SUGCT: variants seen among roughly 807,000 people sequenced by gnomAD.
SUGCT encodes succinyl-CoA:glutarate CoA-transferase.
A neutral mutation model predicts 55.0 loss-of-function variants in SUGCT; 41 were observed. That is an observed-to-expected ratio of 0.74 (90% confidence interval 0.58 to 0.97). The LOEUF (loss-of-function observed/expected upper bound fraction) is 0.97, where lower values mean the gene tolerates loss of function less well. Among genes scored for constraint, SUGCT ranks in the 50% least tolerant of loss-of-function variants. SUGCT has a pLI of 0.00. For missense variants in SUGCT, 568 were observed against 547.8 expected (o/e 1.04, Z -0.37); for synonymous variants, 187 against 200.4 (o/e 0.93, Z 0.56).
chr7:40,279,835 C>T (rs1292803628), intron 8 of SUGCT, among the ~76,000 whole-genome samples: 1 of 152,008 alleles, frequency 6.6e-6, no homozygotes, highest in African/African-American at 2.4e-5. Context: ...TAACAGGAAA[C>T]TTCACCTTTT....
intron 13 of SUGCT, among the ~76,000 whole-genome samples, chr7:40,811,249 TC>T (rs1791397229): frequency 6.6e-6 from 1 of 152,166 alleles, no homozygotes; most frequent in Admixed American, 6.5e-5. Context: ...CTATTTGGGC[TC>T]TTTTTTGGTT....
At chr7:40,388,490 A>T (rs970470317) in intron 9 of SUGCT, among the ~76,000 whole-genome samples, 5 of 152,140 alleles carry the variant, frequency 3.3e-5, no homozygotes, top group Middle Eastern at 3.2e-3. Flanking sequence ...ATCTTGGCTC[A>T]CTGCAACCTC....
chr7:41,009,295 A>G, the SUGCT span, among the ~76,000 whole-genome samples: 177 of 152,048 alleles, frequency 1.2e-3, 3 homozygotes, highest in Non-Finnish European at 1.0e-3. Context: ...AATCTATGTT[A>G]ATTATTAATT....
At chr7:40,283,815 C>T (rs753916946) in intron 8 of SUGCT, among the ~76,000 whole-genome samples, 2 of 152,094 alleles carry the variant, frequency 1.3e-5, no homozygotes, top group Non-Finnish European at 2.9e-5. Context: ...AACAATCCCA[C>T]TTCTGAGAAT....
intron 9 of SUGCT, among the ~76,000 whole-genome samples, chr7:40,340,003 T>C (rs1796955889): frequency 6.6e-6 from 1 of 152,230 alleles, no homozygotes; most frequent in South Asian, 2.1e-4. Context: ...TATACATGCA[T>C]GATTTTTGCC....
intron 12 of SUGCT, among the ~76,000 whole-genome samples, chr7:40,573,429 C>G (rs1473424811): frequency 6.6e-6 from 1 of 152,196 alleles, no homozygotes; most frequent in East Asian, 1.9e-4. Context: ...CCCTCCCTCC[C>G]CATCCACCTT....
rs1784590245 is a variant in SUGCT, at chr7:40,377,127, CCTCTTTCTTTCTTTCTTTCTTT to C, written c.816+60275_816+60296del. On this transcript the variant is annotated intron_variant, in intron 9 of 13. Transcript: ENST00000335693. Reference sequence around the variant, plus strand: ...ACTTGGAAAGGAAATTTTCAGCCTTCCTCTTTCTTTCTTTCTTTCTTTCTTTCTTTCTTTCTTTCTTTCTTTC... The same window carrying C: ...ACTTGGAAAGGAAATTTTCAGCCTTCCTTTCTTTCTTTCTTTCTTTCTTTC... 5.1e-4 allele frequency among the ~76,000 whole-genome samples: 3 copies of C among 5,878 alleles called. 1 individual carries two copies. The highest frequency in any genetic ancestry group is 7.1e-3 in the Admixed American group (2 of 282). 3.9% of individuals were successfully genotyped at this position (5,878 alleles called of 152,430 possible). A position where few individuals can be genotyped will look rare whatever the true frequency, so the allele number is the denominator to read the frequency against.
chr7:40,225,626 G>C (rs1472455672), intron 6 of SUGCT, among the ~76,000 whole-genome samples: 1 of 151,840 alleles, frequency 6.6e-6, no homozygotes, highest in Non-Finnish European at 1.5e-5. Context: ...AGTAGACACG[G>C]GGTTTCACCA....
chr7:40,351,724 A>T (rs1297793144), intron 9 of SUGCT, among the ~76,000 whole-genome samples: 1 of 152,228 alleles, frequency 6.6e-6, no homozygotes. Flanking sequence ...AAACTGTTGT[A>T]TTTAATGGCA....
At chr7:40,897,470 A>G in the SUGCT span, among the ~76,000 whole-genome samples, 4 of 140,654 alleles carry the variant, frequency 2.8e-5, no homozygotes, top group Non-Finnish European at 6.3e-5. Flanking sequence ...CACATTTGGT[A>G]TATTTGGGGT....
intron 12 of SUGCT, among the ~76,000 whole-genome samples, chr7:40,668,596 G>A (rs938866540): frequency 6.6e-6 from 1 of 152,112 alleles, no homozygotes; most frequent in African/African-American, 2.4e-5. Flanking sequence ...AACATAAGAA[G>A]ACTCTAAAAA....
intron 12 of SUGCT, among the ~76,000 whole-genome samples, chr7:40,602,759 T>C (rs1474005826): frequency 6.6e-6 from 1 of 152,186 alleles, no homozygotes; most frequent in East Asian, 1.9e-4. Context: ...TCTTCTGTTC[T>C]TTTTGTCATC....
At chr7:40,899,004 C>A in the SUGCT span, among the ~76,000 whole-genome samples, 1 of 152,264 alleles carries the variant, frequency 6.6e-6, no homozygotes, top group African/African-American at 2.4e-5. Context: ...TCTACAGCCA[C>A]GTCCGGCTCT....
chr7:40,216,853 C>A (rs1215522716), intron 6 of SUGCT, among the ~76,000 whole-genome samples: 1 of 149,080 alleles, frequency 6.7e-6, no homozygotes, highest in African/African-American at 2.5e-5. Flanking sequence ...GAAATTCCAT[C>A]TCGAAAAAAA....
At chr7:40,807,268 G>T (rs1034040271) in intron 13 of SUGCT, among the ~76,000 whole-genome samples, 1 of 151,512 alleles carries the variant, frequency 6.6e-6, no homozygotes, top group South Asian at 2.1e-4. Flanking sequence ...GGATGTACAG[G>T]TTTGTCACAT....
the SUGCT span, among the ~76,000 whole-genome samples, chr7:40,944,935 G>A: frequency 1.3e-5 from 2 of 152,200 alleles, no homozygotes; most frequent in Admixed American, 1.3e-4. Context: ...TGCTTAGTGT[G>A]TGAGCAGGTT....
At chr7:40,175,462 C>T (rs1584257707) in intron 1 of SUGCT, among the ~76,000 whole-genome samples, 1 of 152,144 alleles carries the variant, frequency 6.6e-6, no homozygotes, top group Non-Finnish European at 1.5e-5. Flanking sequence ...TTAAGTGATC[C>T]GCCTGCCTCC....
rs912160465 is a variant in SUGCT at position 40,490,386 on chromosome 7, T to C, written c.987-5898T>C. On this transcript the variant is annotated intron_variant, in intron 11 of 13. Transcript: ENST00000335693. ...GGTACTCTCAAAATTTCTCATGAGA[T>C]CTCGGAATGGTGGGGAACCTGAATG... is the stretch of plus-strand genomic sequence containing the variant. Among the ~76,000 whole-genome samples, 86 of 152,128 alleles carry C rather than the reference T, an allele frequency of 5.7e-4. 1 individual carries two copies. The highest frequency in any genetic ancestry group is 1.6e-4 in the Non-Finnish European group (11 of 68,030).
chr7:40,373,784 CTG>C (rs944359782), intron 9 of SUGCT, among the ~76,000 whole-genome samples: 2 of 152,028 alleles, frequency 1.3e-5, no homozygotes, highest in African/African-American at 4.8e-5. Flanking sequence ...GACAAGATAA[CTG>C]TTTTAATAAA....
Sources: allele counts gnomAD v4.1 joint callset (sites outside exome capture counted in the v4.1 genomes callset), GRCh38; gene constraint gnomAD v4.1.1; transcripts MANE v1.5; gene names NCBI Gene and HGNC (gene_info 2026-07-23, HGNC 2026-07-21).